CHCHD3: variants seen among roughly 807,000 people sequenced by gnomAD.
CHCHD3 encodes MICOS complex subunit MIC19.
CHCHD3 carries 20 observed loss-of-function variants against 38.2 expected under a neutral mutation model. That is an observed-to-expected ratio of 0.52 (90% CI 0.37 to 0.76). The LOEUF (loss-of-function observed/expected upper bound fraction) is 0.76. Ranked by LOEUF, CHCHD3 falls within the 30% of genes least tolerant of loss-of-function variation. The probability of loss-of-function intolerance (pLI) is 0.00; values close to 1 mark genes in which losing one functional copy is unlikely to be tolerated. For missense variants in CHCHD3, 245 were observed against 279.2 expected (o/e 0.88, Z 0.87); for synonymous variants, 82 against 100.0 (o/e 0.82, Z 1.07).
intron 5 of CHCHD3, among the ~76,000 whole-genome samples, chr7:132,884,451 C>T (rs576892124): frequency 4.3e-4 from 65 of 152,230 alleles, no homozygotes; most frequent in Non-Finnish European, 8.4e-4. Flanking sequence ...TAGCTGCTGG[C>T]ACAAGACCAG....
At chr7:132,972,578 A>C (rs1329689104) in intron 4 of CHCHD3, 1 of 985,220 alleles carries the variant, frequency 1.0e-6, no homozygotes, top group African/African-American at 1.7e-5. Flanking sequence ...TAAAGGGAGA[A>C]ATCTGGTAAA....
At chr7:133,016,007 A>G (rs1294676716) in intron 3 of CHCHD3, among the ~76,000 whole-genome samples, 1 of 152,180 alleles carries the variant, frequency 6.6e-6, no homozygotes, top group African/African-American at 2.4e-5. Context: ...ATCTATCACA[A>G]GAACAGCCTT....
intron 4 of CHCHD3, chr7:132,972,608 T>C: frequency 1.0e-6 from 1 of 985,396 alleles, no homozygotes; most frequent in Non-Finnish European, 1.2e-6. Context: ...AACTGCCCAA[T>C]AACTAAATGT....
intron 7 of CHCHD3, among the ~76,000 whole-genome samples, chr7:132,789,788 G>A (rs1806413692): frequency 6.6e-6 from 1 of 152,106 alleles, no homozygotes; most frequent in South Asian, 2.1e-4. Flanking sequence ...CAAGACTTCA[G>A]GCCTCATAAA....
At chr7:132,831,525 C>T (rs944383830) in intron 6 of CHCHD3, among the ~76,000 whole-genome samples, 5 of 152,130 alleles carry the variant, frequency 3.3e-5, no homozygotes, top group African/African-American at 7.2e-5. Context: ...TTTGATAAGG[C>T]ATGTTACTCA....
intron 6 of CHCHD3, among the ~76,000 whole-genome samples, chr7:132,816,046 C>G (rs1358642356): frequency 1.3e-5 from 2 of 152,184 alleles, no homozygotes; most frequent in Non-Finnish European, 2.9e-5. Context: ...CCCTAGTGTT[C>G]TATCTTTAGC....
intron 6 of CHCHD3, among the ~76,000 whole-genome samples, chr7:132,798,969 A>G (rs1374883812): frequency 2.7e-5 from 4 of 150,062 alleles, no homozygotes; most frequent in Admixed American, 2.6e-4. Context: ...AATACTACTC[A>G]CTTCCAGGGC....
At chr7:132,913,621 G>A (rs1810021240) in intron 4 of CHCHD3, among the ~76,000 whole-genome samples, 1 of 152,188 alleles carries the variant, frequency 6.6e-6, no homozygotes, top group African/African-American at 2.4e-5. Flanking sequence ...CCTGCAACAG[G>A]GAGGTCTACC....
intron 6 of CHCHD3, among the ~76,000 whole-genome samples, chr7:132,810,437 C>A (rs891126777): frequency 1.3e-5 from 2 of 152,164 alleles, no homozygotes; most frequent in Non-Finnish European, 2.9e-5. Context: ...TAAATTCCAA[C>A]ATATCCCTTT....
At chr7:132,908,262 T>C (rs1328548315) in intron 4 of CHCHD3, among the ~76,000 whole-genome samples, 1 of 152,140 alleles carries the variant, frequency 6.6e-6, no homozygotes, top group Non-Finnish European at 1.5e-5. Context: ...CTGGGAGTAT[T>C]CCTGTGTCCA....
chr7:133,032,555 T>G (rs1367712928), intron 2 of CHCHD3, among the ~76,000 whole-genome samples: 3 of 152,242 alleles, frequency 2.0e-5, no homozygotes, highest in Non-Finnish European at 4.4e-5. Flanking sequence ...ATGTTCATTT[T>G]ATTGTTTGCT....
chr7:133,038,371 A>G (rs951508750), intron 2 of CHCHD3, among the ~76,000 whole-genome samples: 1 of 152,202 alleles, frequency 6.6e-6, no homozygotes, highest in East Asian at 1.9e-4. Context: ...GAAGCACACC[A>G]TACAAGGGTT....
intron 4 of CHCHD3, among the ~76,000 whole-genome samples, chr7:132,903,507 A>G (rs538392691): frequency 1.4e-4 from 22 of 152,306 alleles, no homozygotes; most frequent in African/African-American, 4.3e-4. Flanking sequence ...ACAAGCTGGA[A>G]GAGCTGTCTC....
intron 4 of CHCHD3, among the ~76,000 whole-genome samples, chr7:132,913,274 G>C (rs1440485852): frequency 6.6e-6 from 1 of 152,166 alleles, no homozygotes; most frequent in Non-Finnish European, 1.5e-5. Context: ...CCTGATTCAA[G>C]GATCTCAAAG....
chr7:132,929,071 C>G (rs889234402), intron 4 of CHCHD3, among the ~76,000 whole-genome samples: 1 of 152,184 alleles, frequency 6.6e-6, no homozygotes, highest in Non-Finnish European at 1.5e-5. Context: ...GGTACATAAT[C>G]TTTATCACCT....
chr7:132,975,784 C>T (rs1316742607), intron 3 of CHCHD3, among the ~76,000 whole-genome samples: 1 of 152,008 alleles, frequency 6.6e-6, no homozygotes, highest in Non-Finnish European at 1.5e-5. Context: ...TACAAAACTT[C>T]GCTGGGCGTG....
Position 132,785,053 on chromosome 7 carries a change from A to T in CHCHD3, c.*584T>A, listed in dbSNP as rs1385797975. ...CTCCTTTTTGTCTTCTTGCCTGTAT[A>T]ATCACCATAATAAGTTATAATGAAA... On this transcript the variant is annotated 3_prime_UTR_variant, in exon 8 of 8. Coordinates refer to ENST00000262570, the MANE Select transcript of CHCHD3 (RefSeq NM_017812.4). 6.5e-6 allele frequency: 1 copy of T among 152,718 alleles called. No individual in the cohort carries two copies. The highest frequency in any genetic ancestry group is 1.5e-5 in the Non-Finnish European group (1 of 68,078). The allele number at this position is 152,718 out of a possible 1,614,324, so 9.5% of individuals were successfully genotyped here. A position where few individuals can be genotyped will look rare whatever the true frequency, so the allele number is the denominator to read the frequency against.
At chr7:132,956,253 T>C (rs1419812581) in intron 4 of CHCHD3, among the ~76,000 whole-genome samples, 3 of 152,248 alleles carry the variant, frequency 2.0e-5, no homozygotes, top group Non-Finnish European at 1.5e-5. Context: ...TTTCTTAAAA[T>C]CTATCAAGCA....
At chr7:132,909,096 C>A (rs1809871612) in intron 4 of CHCHD3, among the ~76,000 whole-genome samples, 1 of 152,106 alleles carries the variant, frequency 6.6e-6, no homozygotes, top group Admixed American at 6.5e-5. Flanking sequence ...TTCCTTCCTG[C>A]CACACCGTGA....
Sources: gnomAD v4.1 joint callset for allele counts (sites outside exome capture counted in the v4.1 genomes callset) on GRCh38, gnomAD v4.1.1 for gene constraint, MANE v1.5 for transcripts, NCBI Gene and HGNC (gene_info 2026-07-23, HGNC 2026-07-21) for gene names.